Variants in NR2F1-AS1 observed in about 807,000 individuals in gnomAD.
The protein encoded by NR2F1-AS1 is NR2F1 antisense RNA 1.
chr5:93,482,152 T>C (rs1043437280), intron 4 of NR2F1-AS1, among the ~76,000 whole-genome samples: 1 of 151,726 alleles, frequency 6.6e-6, no homozygotes, highest in Non-Finnish European at 1.5e-5. Flanking sequence ...ATTATCGGGG[T>C]GGCTAGCAAG....
intron 4 of NR2F1-AS1, among the ~76,000 whole-genome samples, chr5:93,479,854 T>TA (rs553153041): frequency 4.0e-5 from 6 of 149,108 alleles, no homozygotes; most frequent in Non-Finnish European, 7.4e-5. Flanking sequence ...TATTTTTTTT[T>TA]AAAAAGAACA....
chr5:93,515,395 C>A (rs1374236892), intron 4 of NR2F1-AS1, among the ~76,000 whole-genome samples: 1 of 151,870 alleles, frequency 6.6e-6, no homozygotes, highest in African/African-American at 2.4e-5. Context: ...TTCTCCACTT[C>A]TTTTCATCAT....
chr5:93,529,040 G>A (rs1272699693), intron 4 of NR2F1-AS1, among the ~76,000 whole-genome samples: 1 of 152,020 alleles, frequency 6.6e-6, no homozygotes, highest in East Asian at 1.9e-4. Flanking sequence ...AGAACTTAAA[G>A]TATAGTTTTA....
chr5:93,555,070 C>T (rs1358565502), intron 2 of NR2F1-AS1: 1 of 152,178 alleles, frequency 6.6e-6, no homozygotes, highest in Non-Finnish European at 1.5e-5. Flanking sequence ...TTTAATGGGT[C>T]ATGCAGCAAG....
chr5:93,414,611 C>T (rs574231464), intron 4 of NR2F1-AS1, among the ~76,000 whole-genome samples: 1 of 152,032 alleles, frequency 6.6e-6, no homozygotes, highest in African/African-American at 2.4e-5. Flanking sequence ...GGCTCCTGAA[C>T]CAATTGTCAT....
At chr5:93,567,333 T>C (rs540433391) in intron 1 of NR2F1-AS1, among the ~76,000 whole-genome samples, 126 of 152,304 alleles carry the variant, frequency 8.3e-4, no homozygotes, top group African/African-American at 2.9e-3. Context: ...ATGTAGTATG[T>C]TGCTAATTCA....
chr5:93,452,336 C>T (rs192231267), intron 4 of NR2F1-AS1, among the ~76,000 whole-genome samples: 24 of 152,244 alleles, frequency 1.6e-4, no homozygotes, highest in African/African-American at 5.1e-4. Context: ...TTTTCAGACA[C>T]TGGATAATAG....
At chr5:93,460,309 G>A (rs1580244191) in intron 4 of NR2F1-AS1, among the ~76,000 whole-genome samples, 1 of 152,198 alleles carries the variant, frequency 6.6e-6, no homozygotes, top group East Asian at 1.9e-4. Flanking sequence ...TAGCCTTATA[G>A]AGTTTCCCAG....
chr5:93,582,771 AGT>A (rs10645176), upstream of NR2F1-AS1, among the ~76,000 whole-genome samples: 4 of 150,394 alleles, frequency 2.7e-5, no homozygotes, highest in African/African-American at 4.9e-5. Context: ...TGTGAGCGTA[AGT>A]GTGTGTGTGT....
rs116702974 is a variant in NR2F1-AS1, at chr5:93,459,794, C to T, written n.639-64252G>A. Among the ~76,000 whole-genome samples the T allele has an allele frequency of 1.3e-3, 191 of 152,028 alleles. 1 individual carries two copies. The highest frequency in any genetic ancestry group is 4.2e-3 in the African/African-American group (176 of 41,478). On this transcript the variant is annotated intron_variant and non_coding_transcript_variant, in intron 4 of 5. Coordinates refer to ENST00000660523, the Ensembl canonical transcript of NR2F1-AS1. The stretch of plus-strand genomic sequence containing the variant: ...TTTCTTGACCCATGAATTTCAAAAT[C>T]CTGGGCCTATCTTCTGAGTGGAAAG...
chr5:93,451,515 A>G (rs1749829539), intron 4 of NR2F1-AS1, among the ~76,000 whole-genome samples: 1 of 151,684 alleles, frequency 6.6e-6, no homozygotes, highest in Non-Finnish European at 1.5e-5. Flanking sequence ...TGATCCTCCC[A>G]CCTCAGCCTC....
At chr5:93,418,945 T>C (rs1259905231) in intron 4 of NR2F1-AS1, among the ~76,000 whole-genome samples, 1 of 152,238 alleles carries the variant, frequency 6.6e-6, no homozygotes, top group South Asian at 2.1e-4. Flanking sequence ...ACTCTCAGAA[T>C]CCTTCCCAAC....
chr5:93,411,651 T>C (rs1164787284), intron 4 of NR2F1-AS1: 1 of 152,188 alleles, frequency 6.6e-6, no homozygotes, highest in Non-Finnish European at 1.5e-5. Flanking sequence ...CTTATGGTGG[T>C]TGTCTAAAGC....
chr5:93,541,319 G>A (rs1360517765), intron 4 of NR2F1-AS1, among the ~76,000 whole-genome samples: 2 of 152,156 alleles, frequency 1.3e-5, no homozygotes, highest in African/African-American at 4.8e-5. Flanking sequence ...TGCCTCTCCT[G>A]TATTCCAGTC....
At chr5:93,532,289 G>GA (rs892138166) in intron 4 of NR2F1-AS1, among the ~76,000 whole-genome samples, 1 of 150,642 alleles carries the variant, frequency 6.6e-6, no homozygotes. Flanking sequence ...CTGTCCCTAG[G>GA]AAAAAAAAAG....
intron 4 of NR2F1-AS1, among the ~76,000 whole-genome samples, chr5:93,487,556 AAGG>A (rs1750752377): frequency 6.6e-6 from 1 of 152,232 alleles, no homozygotes; most frequent in Admixed American, 6.5e-5. Context: ...GGACCTCTTC[AAGG>A]AGAACTACAA....
At chr5:93,460,542 T>C (rs1384394440) in intron 4 of NR2F1-AS1, among the ~76,000 whole-genome samples, 1 of 152,178 alleles carries the variant, frequency 6.6e-6, no homozygotes, top group Non-Finnish European at 1.5e-5. Context: ...ACAACATTTC[T>C]ACAGATGCCA....
chr5:93,509,971 T>C (rs1296080158), intron 4 of NR2F1-AS1, among the ~76,000 whole-genome samples: 1 of 152,020 alleles, frequency 6.6e-6, no homozygotes, highest in Non-Finnish European at 1.5e-5. Flanking sequence ...AAAAAAATGA[T>C]ACAATATGCT....
intron 4 of NR2F1-AS1, among the ~76,000 whole-genome samples, chr5:93,423,716 C>T (rs1749138002): frequency 6.6e-6 from 1 of 152,206 alleles, no homozygotes; most frequent in African/African-American, 2.4e-5. Flanking sequence ...CTACATAAAT[C>T]ATTCACTCAA....
Sources: gnomAD v4.1 joint callset for allele counts (sites outside exome capture counted in the v4.1 genomes callset) on GRCh38, gnomAD v4.1.1 for gene constraint, MANE v1.5 for transcripts, NCBI Gene and HGNC (gene_info 2026-07-23, HGNC 2026-07-21) for gene names.